Variants in TMEM108 observed in about 807,000 individuals in gnomAD.
The protein encoded by TMEM108 is transmembrane protein 108.
TMEM108 carries 12 observed loss-of-function variants against 35.1 expected under a neutral mutation model. The observed-to-expected ratio is 0.34, with a 90% CI of 0.22 to 0.55. TMEM108 has a LOEUF of 0.55. TMEM108 is among the 20% of genes least tolerant of loss of function. TMEM108 has a pLI of 0.89. For synonymous variants in TMEM108, 287 were observed against 308.6 expected, an observed-to-expected ratio of 0.93 and a Z score of 0.73; for missense variants, 680 against 753.3, an observed-to-expected ratio of 0.90 and a Z score of 1.14.
intron 3 of TMEM108, among the ~76,000 whole-genome samples, chr3:133,234,198 A>G (rs1360602347): frequency 6.6e-6 from 1 of 152,040 alleles, no homozygotes; most frequent in African/African-American, 2.4e-5. Context: ...TCTTTAATCC[A>G]TCTTGAATTA....
intron 3 of TMEM108, among the ~76,000 whole-genome samples, chr3:133,237,839 T>C (rs549807445): frequency 3.3e-5 from 5 of 152,314 alleles, no homozygotes; most frequent in African/African-American, 1.2e-4. Flanking sequence ...TTAAGAGTAA[T>C]GAGTTTGTCA....
intron 3 of TMEM108, among the ~76,000 whole-genome samples, chr3:133,323,246 T>C (rs923065705): frequency 6.6e-6 from 1 of 152,112 alleles, no homozygotes; most frequent in Non-Finnish European, 1.5e-5. Context: ...GATATGATTA[T>C]ATCATTCATC....
intron 2 of TMEM108, among the ~76,000 whole-genome samples, chr3:133,112,630 A>C (rs1043292545): frequency 6.6e-6 from 1 of 152,206 alleles, no homozygotes; most frequent in African/African-American, 2.4e-5. Context: ...TTGGTCAGAC[A>C]ATATTAATGT....
At chr3:133,219,248 C>T (rs1340500824) in intron 2 of TMEM108, among the ~76,000 whole-genome samples, 2 of 151,910 alleles carry the variant, frequency 1.3e-5, no homozygotes, top group Admixed American at 6.6e-5. Context: ...TCATTTCTAA[C>T]TTTGAGTATT....
chr3:133,329,555 T>C (rs2071369627), intron 3 of TMEM108, among the ~76,000 whole-genome samples: 1 of 152,188 alleles, frequency 6.6e-6, no homozygotes, highest in African/African-American at 2.4e-5. Context: ...CAGCGGCTCC[T>C]TTTCCCTGCA....
chr3:133,115,482 T>C (rs1944277523), intron 2 of TMEM108, among the ~76,000 whole-genome samples: 1 of 152,146 alleles, frequency 6.6e-6, no homozygotes, highest in Non-Finnish European at 1.5e-5. Context: ...TTCAAAGAGG[T>C]GACTCCTTTC....
At chr3:133,040,990 A>G (rs1943269136) in intron 1 of TMEM108, among the ~76,000 whole-genome samples, 1 of 152,188 alleles carries the variant, frequency 6.6e-6, no homozygotes, top group African/African-American at 2.4e-5. Context: ...TCATATTGAG[A>G]GGGATCTGAG....
chr3:133,268,238 G>A (rs1445542332), intron 3 of TMEM108, among the ~76,000 whole-genome samples: 1 of 152,234 alleles, frequency 6.6e-6, no homozygotes, highest in African/African-American at 2.4e-5. Context: ...TGGAACAGAA[G>A]GGCCAGTTAG....
Position 133,267,149 on chromosome 3 carries a change from A to G in TMEM108, c.40+37798A>G, listed in dbSNP as rs142693629. The stretch of plus-strand genomic sequence containing the variant: ...GCTGTAGAGCCACCATTCTAGTGCA[A>G]TTGACTCGTTCATTTATTTATTCCA... On this transcript the variant is annotated intron_variant, in intron 3 of 5. Coordinates refer to ENST00000321871, the MANE Select transcript of TMEM108 (RefSeq NM_023943.4). 2.4e-3 allele frequency among the ~76,000 whole-genome samples: 369 copies of G among 152,168 alleles called. 2 individuals carry two copies. The highest frequency in any genetic ancestry group is 7.9e-3 in the African/African-American group (326 of 41,518).
intron 3 of TMEM108, among the ~76,000 whole-genome samples, chr3:133,239,767 C>T (rs142759889): frequency 9.9e-5 from 15 of 152,268 alleles, no homozygotes; most frequent in Non-Finnish European, 1.3e-4. Flanking sequence ...GAGCAGGAGA[C>T]GCTTTTAGCT....
intron 1 of TMEM108, among the ~76,000 whole-genome samples, chr3:133,040,634 A>G (rs552351923): frequency 7.2e-5 from 11 of 152,296 alleles, no homozygotes; most frequent in Middle Eastern, 3.4e-3. Context: ...CGCAAAGGGT[A>G]TGCATTGTTT....
At chr3:133,267,492 T>C (rs1011859829) in intron 3 of TMEM108, among the ~76,000 whole-genome samples, 1 of 152,206 alleles carries the variant, frequency 6.6e-6, no homozygotes, top group Non-Finnish European at 1.5e-5. Context: ...GCCAGCACTA[T>C]GTGGGAAACT....
intron 3 of TMEM108, among the ~76,000 whole-genome samples, chr3:133,276,319 G>GACT (rs1215385421): frequency 6.6e-6 from 1 of 152,174 alleles, no homozygotes; most frequent in African/African-American, 2.4e-5. Flanking sequence ...TGTAAGGGAA[G>GACT]ACTTTCTCAT....
At position 133,384,712 on chromosome 3, in the gene TMEM108, C is replaced by T. The variant is rs568580778; in HGVS notation, c.1450+3551C>T. On this transcript the variant is annotated intron_variant, in intron 4 of 5. Transcript: ENST00000321871. ...CCTCCACGCCTGGCGCTGAATTGGTCGGCGCTCACCATTGTCAGCGGTCTG... is the reference window on the plus strand; with the variant it reads ...CCTCCACGCCTGGCGCTGAATTGGTTGGCGCTCACCATTGTCAGCGGTCTG... Among the ~76,000 whole-genome samples the T allele has an allele frequency of 4.6e-5, 7 of 152,272 alleles. No individual in the cohort carries two copies. The South Asian group carries it at 1.5e-3, about 32-fold the overall frequency.
At chr3:133,145,591 C>T (rs958283104) in intron 2 of TMEM108, among the ~76,000 whole-genome samples, 2 of 152,158 alleles carry the variant, frequency 1.3e-5, no homozygotes, top group South Asian at 2.1e-4. Flanking sequence ...TTCTTCCTAA[C>T]CATGAGCATA....
At position 133,175,496 on chromosome 3, in the gene TMEM108, G is replaced by A. The variant is rs535360686; in HGVS notation, c.-46-53770G>A. ...CTCTTGGCAGAAACTCTACAAGCCA[G>A]AAGAGAGTGGGGGCCAATATTCAAC... On this transcript the variant is annotated intron_variant, in intron 2 of 5. Coordinates refer to ENST00000321871, the MANE Select transcript of TMEM108 (RefSeq NM_023943.4). Among the ~76,000 whole-genome samples the A allele has an allele frequency of 9.8e-3, 1,488 of 152,300 alleles. 30 individuals are homozygous for A. Among genetic ancestry groups the A allele is most frequent in the African/African-American group, 0.034 (1,407 of 41,544 alleles).
intron 3 of TMEM108, among the ~76,000 whole-genome samples, chr3:133,317,300 C>A (rs1435619087): frequency 6.6e-6 from 1 of 152,162 alleles, no homozygotes; most frequent in Non-Finnish European, 1.5e-5. Flanking sequence ...TCTCTTGATA[C>A]AAGATACTTG....
intron 2 of TMEM108, among the ~76,000 whole-genome samples, chr3:133,065,084 A>G (rs1038364510): frequency 2.6e-5 from 4 of 152,216 alleles, no homozygotes; most frequent in Non-Finnish European, 5.9e-5. Flanking sequence ...TGGGGAAACT[A>G]TCTCACCATT....
At chr3:133,102,224 A>G (rs1280804488) in intron 2 of TMEM108, among the ~76,000 whole-genome samples, 1 of 152,222 alleles carries the variant, frequency 6.6e-6, no homozygotes, top group Non-Finnish European at 1.5e-5. Context: ...TTGACTTGGT[A>G]TGGGTACTGG....
Sources: gnomAD v4.1 joint callset for allele counts (sites outside exome capture counted in the v4.1 genomes callset) on GRCh38, gnomAD v4.1.1 for gene constraint, MANE v1.5 for transcripts, NCBI Gene and HGNC (gene_info 2026-07-23, HGNC 2026-07-21) for gene names.